Variants in HARS2 observed in about 807,000 individuals in gnomAD.
The protein encoded by HARS2 is histidine--tRNA ligase, mitochondrial.
In HARS2, 40 loss-of-function variants were observed where a neutral mutation model predicts 62.4. That is an observed-to-expected ratio of 0.64 (90% CI 0.50 to 0.83). The LOEUF (loss-of-function observed/expected upper bound fraction) is 0.83. Among genes scored for constraint, HARS2 ranks in the 40% least tolerant of loss-of-function variants. The pLI is 0.00. For synonymous variants in HARS2, 228 were observed against 227.0 expected, an observed-to-expected ratio of 1.00 and a Z score of -0.04; for missense variants, 569 against 626.4, an observed-to-expected ratio of 0.91 and a Z score of 0.98.
Position 140,695,862 on chromosome 5 carries a change from G to A in HARS2, c.633+17G>A. On this transcript the variant is annotated intron_variant, in intron 6 of 12. Transcript: ENST00000230771. The stretch of plus-strand genomic sequence containing the variant: ...CTCATTAAGGTGAGGCCAGGGCTGA[G>A]AACTGTGGGAGAAGTCTGGATTTGG... 6.4e-7 allele frequency: 1 copy of A among 1,552,896 alleles called. No individual in the cohort carries two copies. Among genetic ancestry groups the A allele is most frequent in the East Asian group, 2.2e-5 (1 of 44,606 alleles).
Position 140,693,635 on chromosome 5 carries a change from G to C in HARS2, c.153G>C (p.Glu51Asp), listed in dbSNP as rs199927856. 3 of 1,614,068 alleles carry C rather than the reference G, an allele frequency of 1.9e-6. No individual in the cohort carries two copies. Among genetic ancestry groups the C allele is most frequent in the Admixed American group, 3.3e-5 (2 of 60,008 alleles). ...CATCCCAACTGAAAGCACATCAAGA[G>C]AAACCAAATTTTATTATCAAGACCC... is the stretch of plus-strand genomic sequence containing the variant. ...VLTSQLKAHQ[E>D]KPNFIIKTPK... The change falls in exon 2 of 13, where the codon GAG becomes GAC. Residue 51 changes from glutamate (E) to aspartate (D), a missense_variant. Transcript: ENST00000230771.
Position 140,697,625 on chromosome 5 carries a change from G to C in HARS2, c.1254G>C (p.Gln418His), listed in dbSNP as rs138090816. The change falls in exon 11 of 13, where the codon CAG becomes CAC. Residue 418 changes from glutamine to histidine, a missense_variant. Coordinates refer to ENST00000230771, the MANE Select transcript of HARS2 (RefSeq NM_012208.4). The part of the protein sequence containing the change: ...TETQVFVATP[Q>H]KNFLQERLKL... The stretch of plus-strand genomic sequence containing the variant: ...CTCAAGTGTTTGTGGCCACACCACA[G>C]AAGAACTTTCTCCAAGAACGGTTGA... 6.7e-5 allele frequency: 108 copies of C among 1,614,130 alleles called. No homozygotes were observed. The highest frequency in any genetic ancestry group is 3.3e-4 in the Middle Eastern group (2 of 6,062).
At chr5:140,693,226 G>C (rs112859141) in intron 1 of HARS2, among the ~76,000 whole-genome samples, 1 of 151,266 alleles carries the variant, frequency 6.6e-6, no homozygotes, top group African/African-American at 2.4e-5. Context: ...CCAGCTACTC[G>C]GGAGGCTAAG....
At position 140,691,556 on chromosome 5, in the gene HARS2, C is replaced by T. The variant is rs1759464711; in HGVS notation, c.-93C>T. On this transcript the variant is annotated 5_prime_UTR_variant, in exon 1 of 13. Coordinates refer to ENST00000230771, the MANE Select transcript of HARS2 (RefSeq NM_012208.4). ...AGTTTTCCCTGGTGCGCGGGTTCCG[C>T]CTTTGCAGTGCCCTCCACCCTTCCT... 1 of 881,316 alleles carries T rather than the reference C, an allele frequency of 1.1e-6. No homozygotes were observed. Among genetic ancestry groups the T allele is most frequent in the Non-Finnish European group, 1.8e-6 (1 of 543,842 alleles). The allele number at this position is 881,316 out of a possible 1,614,324, so 54.6% of individuals were successfully genotyped here.
In HARS2 at chr5:140,698,803, T is replaced by A. The variant is rs1759867167; in HGVS notation, c.*251T>A. 5.4e-6 allele frequency: 3 copies of A among 555,426 alleles called. No homozygotes were observed. Among genetic ancestry groups the A allele is most frequent in the Non-Finnish European group, 9.7e-6 (3 of 309,214 alleles). The allele number at this position is 555,426 out of a possible 1,614,324, so 34.4% of individuals were successfully genotyped here. A position where few individuals can be genotyped will look rare whatever the true frequency, so the allele number is the denominator to read the frequency against. ...GACATGCTCTAGCTGCAGAGGCAAA[T>A]TTGAAGTGCCACGGAACGTTGTCAA... On this transcript the variant is annotated 3_prime_UTR_variant, in exon 13 of 13. Coordinates refer to ENST00000230771, the MANE Select transcript of HARS2 (RefSeq NM_012208.4).
rs1242730157 is a variant in HARS2, at chr5:140,698,689, C to T, written c.*137C>T. 6 of 799,438 alleles carry T rather than the reference C, an allele frequency of 7.5e-6. No homozygotes were observed. Among genetic ancestry groups the T allele is most frequent in the Non-Finnish European group, 1.4e-5 (6 of 444,288 alleles). The allele number at this position is 799,438 out of a possible 1,614,324, so 49.5% of individuals were successfully genotyped here. A position where few individuals can be genotyped will look rare whatever the true frequency, so the allele number is the denominator to read the frequency against. On this transcript the variant is annotated 3_prime_UTR_variant, in exon 13 of 13. Coordinates refer to ENST00000230771, the MANE Select transcript of HARS2 (RefSeq NM_012208.4). ...GTACCTTCTGCCTCCTCCATTCTTC[C>T]TGGGTGCAGAACTGTAGAAGACCCT... is the stretch of plus-strand genomic sequence containing the variant.
Position 140,697,176 on chromosome 5 carries a change from C to G in HARS2, c.967C>G (p.Leu323Val), listed in dbSNP as rs75387627. ...FGIADKISFD[L>V]SLARGLDYYT... is the part of the protein sequence containing the mutation. ...CTTGTCCCCACAGATCTCCTTTGAC[C>G]TCAGCCTGGCTCGGGGCCTAGACTA... The change falls in exon 10 of 13, where the codon CTC becomes GTC. Residue 323 changes from leucine (L) to valine (V), a missense_variant. Coordinates refer to ENST00000230771, the MANE Select transcript of HARS2 (RefSeq NM_012208.4). The G allele has an allele frequency of 3.1e-6, 5 of 1,614,068 alleles. No homozygotes were observed. Among genetic ancestry groups the G allele is most frequent in the Non-Finnish European group, 4.2e-6 (5 of 1,180,036 alleles).
rs771156075 is a variant in HARS2 at position 140,695,502 on chromosome 5, T to C, written c.400-6T>C. 1 of 1,614,092 alleles carries C rather than the reference T, an allele frequency of 6.2e-7. No homozygotes were observed. The highest frequency in any genetic ancestry group is 1.1e-5 in the South Asian group (1 of 91,064). ...GTATCCCTCTTCCTTAACCCATTTA[T>C]GTGAGGTTCCCTTTGCTCGTTATCT... On this transcript the variant is annotated splice_region_variant and splice_polypyrimidine_tract_variant and intron_variant, in intron 4 of 12. Transcript: ENST00000230771.
chr5:140,696,828 C>CTTT lies in HARS2; in HGVS notation c.827-95_827-93dup, dbSNP rs373912206. ...GGGTCTTGTCATGTGAGACTGGGATCTTTTTTTTTTTTTTTTTTTTTTAAA... is the reference window on the plus strand; with the variant it reads ...GGGTCTTGTCATGTGAGACTGGGATCTTTTTTTTTTTTTTTTTTTTTTTTTAAA... On this transcript the variant is annotated intron_variant, in intron 8 of 12. Transcript: ENST00000230771. 413 of 655,420 alleles carry CTTT rather than the reference C, an allele frequency of 6.3e-4. 1 individual carries two copies. Among genetic ancestry groups the CTTT allele is most frequent in the Admixed American group, 8.6e-4 (31 of 35,874 alleles). 40.6% of individuals were successfully genotyped at this position (655,420 alleles called of 1,614,324 possible).
Position 140,691,708 on chromosome 5 carries a change from G to A in HARS2, c.60G>A (p.Leu20=). 3 of 1,552,842 alleles carry A rather than the reference G, an allele frequency of 1.9e-6. No individual in the cohort carries two copies. The highest frequency in any genetic ancestry group is 2.6e-6 in the Non-Finnish European group (3 of 1,147,978). ...RAWASLLSQL[L]RPPCASCTGA... is the part of the protein sequence containing the mutation. ...GGGCTTCGCTGCTCAGCCAGCTCCT[G>A]CGACCGCCCTGCGCTTCGTGCACCG... The change falls in exon 1 of 13, where the codon CTG becomes CTA. Residue 20 remains leucine, a synonymous_variant. Transcript: ENST00000230771.
chr5:140,698,342 G>A (rs964067114), intron 12 of HARS2, 151 bp from the exon 13 acceptor site: 1 of 783,186 alleles, frequency 1.3e-6, no homozygotes, highest in Non-Finnish European at 2.3e-6. Context: ...TCATCTTGAG[G>A]GTATACATTC....
chr5:140,695,361 C>T (rs1759698578), intron 4 of HARS2, 147 bp from the exon 5 acceptor site: 1 of 868,404 alleles, frequency 1.2e-6, no homozygotes. Flanking sequence ...ATTCCAAGCA[C>T]TGCTAGGCCT....
intron 4 of HARS2, 72 bp from the exon 5 acceptor site, chr5:140,695,436 C>T: frequency 2.4e-6 from 3 of 1,228,322 alleles, no homozygotes; most frequent in Non-Finnish European, 3.5e-6. Context: ...CAGGCCCAGT[C>T]CTCCCTAATG....
intron 4 of HARS2, 142 bp downstream of exon 4, chr5:140,694,422 C>T (rs1376080239): frequency 1.9e-5 from 14 of 721,140 alleles, no homozygotes; most frequent in South Asian, 4.4e-5. Flanking sequence ...AGTTCTGCTA[C>T]GGAAGCCTGG....
At chr5:140,696,293 T>A in intron 7 of HARS2, 92 bp downstream of exon 7, 2 of 1,010,100 alleles carry the variant, frequency 2.0e-6, no homozygotes, top group Non-Finnish European at 3.2e-6. Flanking sequence ...AGATTGTGGC[T>A]GGAAGTGGGC....
rs1256405035 is a variant in HARS2, at chr5:140,695,489, C to T, written c.400-19C>T. 4 of 1,613,836 alleles carry T rather than the reference C, an allele frequency of 2.5e-6. No homozygotes were observed. The highest frequency in any genetic ancestry group is 3.4e-6 in the Non-Finnish European group (4 of 1,179,950). On this transcript the variant is annotated intron_variant, in intron 4 of 12. Transcript: ENST00000230771. ...ATCTTTGGATGCAGTATCCCTCTTC[C>T]TTAACCCATTTATGTGAGGTTCCCT... is the stretch of plus-strand genomic sequence containing the variant.
At chr5:140,693,392 A>G (rs751622660) in intron 1 of HARS2, 199 bp from the exon 2 acceptor site, 13 of 1,072,152 alleles carry the variant, frequency 1.2e-5, no homozygotes, top group Admixed American at 1.2e-4. Context: ...ACCTGACCTC[A>G]TATATATTAC....
Position 140,698,781 on chromosome 5 carries a change from A to G in HARS2, c.*229A>G, listed in dbSNP as rs1207209770. On this transcript the variant is annotated 3_prime_UTR_variant, in exon 13 of 13. Transcript: ENST00000230771. ...GCAGATGGCTGGATGTGAAAGAGAC[A>G]TGCTCTAGCTGCAGAGGCAAATTTG... The G allele has an allele frequency of 5.1e-6, 3 of 584,904 alleles. No homozygotes were observed. Among genetic ancestry groups the G allele is most frequent in the South Asian group, 1.9e-5 (1 of 51,928 alleles). 36.2% of individuals were successfully genotyped at this position (584,904 alleles called of 1,614,324 possible). A position where few individuals can be genotyped will look rare whatever the true frequency, so the allele number is the denominator to read the frequency against.
chr5:140,695,592 C>A lies in HARS2; in HGVS notation c.484C>A (p.Pro162Thr). 6.2e-7 allele frequency: 1 copy of A among 1,614,178 alleles called. No homozygotes were observed. Among genetic ancestry groups the A allele is most frequent in the East Asian group, 2.2e-5 (1 of 44,888 alleles). The change falls in exon 5 of 13, where the codon CCA (proline) becomes ACA (threonine). Residue 162 changes from proline to threonine, a missense_variant. Coordinates refer to ENST00000230771, the MANE Select transcript of HARS2 (RefSeq NM_012208.4). ...TGGAAAGGTGTGGCGGCGAGAGAGCCCAACCATAGTCCAAGGCCGTTATAG... is the reference window on the plus strand; with the variant it reads ...TGGAAAGGTGTGGCGGCGAGAGAGCACAACCATAGTCCAAGGCCGTTATAG... ...HVGKVWRRES[P>T]TIVQGRYREF...
Sources: allele counts gnomAD v4.1 joint callset (sites outside exome capture counted in the v4.1 genomes callset), GRCh38; gene constraint gnomAD v4.1.1; transcripts MANE v1.5; gene names NCBI Gene and HGNC (gene_info 2026-07-23, HGNC 2026-07-21).